Variants in THOP1 observed in about 807,000 individuals in gnomAD.
The protein encoded by THOP1 is thimet oligopeptidase 1.
In THOP1, 49 loss-of-function variants were observed where a neutral mutation model predicts 71.8. The observed-to-expected ratio is 0.68, with a 90% CI of 0.54 to 0.87. THOP1 has a LOEUF of 0.87. Among genes scored for constraint, THOP1 ranks in the 40% least tolerant of loss-of-function variants. The pLI, the probability that THOP1 is intolerant of heterozygous loss-of-function variation, is 0.00. For missense variants in THOP1, 843 were observed against 975.6 expected, an observed-to-expected ratio of 0.86 and a Z score of 1.81; for synonymous variants, 426 against 421.5, an observed-to-expected ratio of 1.01 and a Z score of -0.13.
In THOP1 at chr19:2,785,508, GC is replaced by G; in HGVS notation, c.-151del. 2 of 755,690 alleles carry G rather than the reference GC, an allele frequency of 2.6e-6. No homozygotes were observed. The highest frequency in any genetic ancestry group is 3.7e-6 in the Non-Finnish European group (2 of 541,648). The allele number at this position is 755,690 out of a possible 1,614,324, so 46.8% of individuals were successfully genotyped here. ...CCCTGTGCGCGCGCCGCCCCAGCAT[GC>G]CCCGGGAGCGCGGGCGGCGGGCCCC... On this transcript the variant is annotated 5_prime_UTR_variant, in exon 1 of 13. Coordinates refer to ENST00000307741, the MANE Select transcript of THOP1 (RefSeq NM_003249.5).
chr19:2,809,976 G>C, intron 9 of THOP1: 1 of 402,210 alleles, frequency 2.5e-6, no homozygotes, highest in Non-Finnish European at 4.5e-6. Flanking sequence ...TCCCCACCCG[G>C]ACCTGGCCGT....
rs1330901352 is a variant in THOP1, at chr19:2,810,321, C to CAGCGGGACCCACGTGG, written c.1482_1497dup (p.Phe500ProfsTer47). ...CCCTGCAGGCGGAGTTCGCCATGTT[C>CAGCGGGACCCACGTGG]AGCGGGACCCACGTGGAGCGGGACT... On this transcript the variant is annotated frameshift_variant, in exon 10 of 13. Coordinates refer to ENST00000307741, the MANE Select transcript of THOP1 (RefSeq NM_003249.5). LOFTEE classifies it high-confidence loss of function. 1.2e-6 allele frequency: 2 copies of CAGCGGGACCCACGTGG among 1,611,360 alleles called. No homozygotes were observed. The highest frequency in any genetic ancestry group is 1.7e-6 in the Non-Finnish European group (2 of 1,179,650).
chr19:2,811,027 G>C (rs1916449734), intron 11 of THOP1, among the ~76,000 whole-genome samples: 1 of 152,232 alleles, frequency 6.6e-6, no homozygotes, highest in Admixed American at 6.5e-5. Flanking sequence ...TGAAGCTGGC[G>C]TTTTCCTGAT....
At chr19:2,811,419 C>T (rs1916458240) in intron 11 of THOP1, among the ~76,000 whole-genome samples, 179 bp from the exon 12 acceptor site, 1 of 152,124 alleles carries the variant, frequency 6.6e-6, no homozygotes, top group Admixed American at 6.5e-5. Flanking sequence ...GACTTGTGGC[C>T]CTCGCTTTGT....
chr19:2,798,758 G>A (rs1022360017), intron 4 of THOP1, among the ~76,000 whole-genome samples: 2 of 152,366 alleles, frequency 1.3e-5, no homozygotes, highest in Non-Finnish European at 2.9e-5. Context: ...TCTGTCCTGC[G>A]GATGAGCATT....
Position 2,805,413 on chromosome 19 carries a change from C to G in THOP1, c.750+237C>G, listed in dbSNP as rs1916266133. ...AGCTCAGGGCCCAGTTCATCCTTCC[C>G]AAGCTGAGCCTCCTGCTGCTGCTCT... is the stretch of plus-strand genomic sequence containing the variant. On this transcript the variant is annotated intron_variant, in intron 6 of 12. Transcript: ENST00000307741. This position sits in a 1 kb window ranked among gnomAD's most constrained non-coding sequence, Gnocchi z 6.6. Among the ~76,000 whole-genome samples the G allele has an allele frequency of 6.6e-6, 1 of 152,206 alleles. No individual in the cohort carries two copies.
At position 2,807,751 on chromosome 19, in the gene THOP1, C is replaced by T. The variant is rs201540389; in HGVS notation, c.1196C>T (p.Ala399Val). 2.2e-4 allele frequency: 342 copies of T among 1,561,526 alleles called. 2 individuals are homozygous for T. In the East Asian group the frequency reaches 7.3e-3, roughly 33 times the overall value. The change falls in exon 8 of 13, where the codon GCG becomes GTG. Residue 399 changes from alanine to valine, a missense_variant. Ala to Val is a moderately conservative substitution (Grantham distance 64, BLOSUM62 0). Coordinates refer to ENST00000307741, the MANE Select transcript of THOP1 (RefSeq NM_003249.5). ...AWHEDVRLYT[A>V]RDAASGEVVG... ...CATGAGGACGTGCGGCTCTACACCG[C>T]GAGGGACGCGGCCTCGGGGGAGGTG... is the stretch of plus-strand genomic sequence containing the variant.
chr19:2,812,388 C>T (rs1260614418), intron 12 of THOP1: 2 of 1,499,968 alleles, frequency 1.3e-6, no homozygotes, highest in East Asian at 5.0e-5. Context: ...TCGGAGCCAC[C>T]AAGCAGGCAC....
intron 5 of THOP1, 123 bp downstream of exon 5, chr19:2,799,914 G>A (rs1287236420): frequency 1.5e-5 from 13 of 850,656 alleles, no homozygotes; most frequent in East Asian, 5.2e-5. Context: ...GCGGGAGGCC[G>A]AAGTACGTGG....
intron 7 of THOP1, 120 bp from the exon 8 acceptor site, chr19:2,807,322 G>A (rs749266105): frequency 1.0e-4 from 147 of 1,419,620 alleles, no homozygotes; most frequent in Non-Finnish European, 1.3e-4. Flanking sequence ...GGGTTGCCGG[G>A]AACTGCGGGT....
rs1267528880 is a variant in THOP1, at chr19:2,814,312, C to G, written c.*1036C>G. Reference sequence around the variant, plus strand: ...TGGATGCTCCCCGTCTCTTCAGTCCCAGTGCTCTGATGTTTTCTCCCGCGA... The same window carrying G: ...TGGATGCTCCCCGTCTCTTCAGTCCGAGTGCTCTGATGTTTTCTCCCGCGA... On this transcript the variant is annotated 3_prime_UTR_variant, in exon 13 of 13. Transcript: ENST00000307741. The G allele has an allele frequency of 1.3e-5, 2 of 152,366 alleles. No individual in the cohort carries two copies. The highest frequency in any genetic ancestry group is 2.9e-5 in the Non-Finnish European group (2 of 68,148). The allele number at this position is 152,366 out of a possible 1,614,324, so 9.4% of individuals were successfully genotyped here. A position where few individuals can be genotyped will look rare whatever the true frequency, so the allele number is the denominator to read the frequency against.
intron 1 of THOP1, among the ~76,000 whole-genome samples, chr19:2,789,152 GC>G (rs1471299552): frequency 6.6e-6 from 1 of 152,214 alleles, no homozygotes; most frequent in Non-Finnish European, 1.5e-5. Context: ...AAAATCCTTG[GC>G]CCTTTGCAGA....
chr19:2,796,429 G>A (rs1170202166), intron 4 of THOP1, among the ~76,000 whole-genome samples: 1 of 151,098 alleles, frequency 6.6e-6, no homozygotes. Flanking sequence ...GGGAGTGCTG[G>A]GTGCCGGGAG....
intron 12 of THOP1, 32 bp from the exon 13 acceptor site, chr19:2,813,083 C>T: frequency 6.3e-7 from 1 of 1,583,964 alleles, no homozygotes; most frequent in Non-Finnish European, 8.6e-7. Flanking sequence ...CCTGGGTCCC[C>T]ACCCGGCCAC....
chr19:2,807,865 C>T, intron 8 of THOP1, 57 bp downstream of exon 8: 1 of 1,416,598 alleles, frequency 7.1e-7, no homozygotes, highest in South Asian at 1.5e-5. Flanking sequence ...TCCTCGGAGC[C>T]CGGTGTGCCC....
chr19:2,810,161 C>A, intron 9 of THOP1, 143 bp from the exon 10 acceptor site: 77 of 981,430 alleles, frequency 7.8e-5, no homozygotes, highest in East Asian at 1.8e-4. Flanking sequence ...CGGTCGTTTT[C>A]CAGTTTTGGG....
At position 2,790,443 on chromosome 19, in the gene THOP1, C is replaced by T. The variant is rs186391858; in HGVS notation, c.39C>T (p.Asp13=). The T allele has an allele frequency of 7.0e-6, 11 of 1,570,382 alleles. No homozygotes were observed. Among genetic ancestry groups the T allele is most frequent in the East Asian group, 4.5e-5 (2 of 44,082 alleles). The stretch of plus-strand genomic sequence containing the variant: ...TAGCCTGTGCAGGAGACATGGCGGA[C>T]GCAGCATCTCCGTGCTCTGTGGTAA... ...PPAACAGDMA[D]AASPCSVVND... Residue 13 remains aspartate (D), a synonymous_variant, in exon 2 of 13, where the codon GAC becomes GAT. Transcript: ENST00000307741.
chr19:2,799,779 C>G lies in THOP1; in HGVS notation c.577C>G (p.Leu193Val), dbSNP rs1916103408. ...NEDTTFLPFTLQELGGLPEDF... is the reference protein window; with the variant it reads ...NEDTTFLPFTVQELGGLPEDF... ...GGACACGACCTTCCTGCCCTTCACG[C>G]TCCAGGAGCTAGGTAGGGGCCGAGC... Residue 193 changes from leucine to valine, a missense_variant, in exon 5 of 13, where the codon CTC (leucine) becomes GTC (valine). By Grantham distance (32) the Leu-to-Val change is conservative (BLOSUM62 1). Coordinates refer to ENST00000307741, the MANE Select transcript of THOP1 (RefSeq NM_003249.5). 1.2e-6 allele frequency: 2 copies of G among 1,613,756 alleles called. No individual in the cohort carries two copies. Among genetic ancestry groups the G allele is most frequent in the Non-Finnish European group, 1.7e-6 (2 of 1,179,874 alleles).
At chr19:2,794,646 C>T (rs1915967703) in intron 2 of THOP1, 118 bp from the exon 3 acceptor site, 15 of 1,285,226 alleles carry the variant, frequency 1.2e-5, no homozygotes, top group Admixed American at 2.0e-5. Context: ...GAGGCTGAGG[C>T]AGGAGAGAGT....
Sources: allele counts gnomAD v4.1 joint callset (sites outside exome capture counted in the v4.1 genomes callset), GRCh38; gene constraint gnomAD v4.1.1; non-coding constraint Gnocchi (gnomAD v3.1); transcripts MANE v1.5; gene names NCBI Gene and HGNC (gene_info 2026-07-23, HGNC 2026-07-21).